Variants in FHIT observed in about 807,000 individuals in gnomAD.
FHIT encodes bis(5'-adenosyl)-triphosphatase.
FHIT carries 19 observed loss-of-function variants against 17.9 expected under a neutral mutation model. That is an observed-to-expected ratio of 1.06 (90% CI 0.74 to 1.56). FHIT has a LOEUF of 1.56. Among genes scored for constraint, FHIT ranks in the 40% most tolerant of loss-of-function variants. The pLI, the probability that FHIT is intolerant of heterozygous loss-of-function variation, is 0.00. For synonymous variants in FHIT, 81 were observed against 69.7 expected, an observed-to-expected ratio of 1.16 and a Z score of -0.81; for missense variants, 248 against 189.2, an observed-to-expected ratio of 1.31 and a Z score of -1.82.
At chr3:60,982,408 T>C (rs1710534666) in intron 3 of FHIT, among the ~76,000 whole-genome samples, 1 of 152,252 alleles carries the variant, frequency 6.6e-6, no homozygotes. Context: ...AAGTTACATA[T>C]CTCACTGGAT....
chr3:60,043,104 C>T (rs760169604), intron 5 of FHIT, among the ~76,000 whole-genome samples: 1 of 152,180 alleles, frequency 6.6e-6, no homozygotes, highest in Non-Finnish European at 1.5e-5. Context: ...CTGTGAAGGA[C>T]TTTGGGCTTC....
chr3:60,941,994 G>C (rs1708429007), intron 3 of FHIT, among the ~76,000 whole-genome samples: 1 of 152,074 alleles, frequency 6.6e-6, no homozygotes, highest in Admixed American at 6.6e-5. Context: ...TTCTGTTGTT[G>C]TTGTTGTTTT....
At chr3:61,231,495 A>AC (rs2040101185) in intron 1 of FHIT, among the ~76,000 whole-genome samples, 1 of 93,656 alleles carries the variant, frequency 1.1e-5, no homozygotes, top group Non-Finnish European at 2.4e-5. Flanking sequence ...TCTCTTACGG[A>AC]AAAAAAAAAA....
chr3:60,461,250 T>C (rs959118152), intron 5 of FHIT, among the ~76,000 whole-genome samples: 2 of 152,096 alleles, frequency 1.3e-5, no homozygotes, highest in African/African-American at 4.8e-5. Flanking sequence ...ATTAGAAAAA[T>C]TACCAAAAAA....
intron 4 of FHIT, among the ~76,000 whole-genome samples, chr3:60,642,878 C>T (rs1230904329): frequency 1.3e-5 from 2 of 152,130 alleles, no homozygotes; most frequent in East Asian, 1.9e-4. Context: ...CCTATCTTAG[C>T]TCAATTGTCA....
intron 4 of FHIT, among the ~76,000 whole-genome samples, chr3:60,596,439 C>A (rs1432775501): frequency 6.6e-6 from 1 of 152,154 alleles, no homozygotes; most frequent in Non-Finnish European, 1.5e-5. Context: ...TCCTGCCCAT[C>A]CCTCTTTTAT....
chr3:59,888,412 A>T (rs538318957), intron 8 of FHIT, among the ~76,000 whole-genome samples: 1 of 152,330 alleles, frequency 6.6e-6, no homozygotes, highest in Admixed American at 6.5e-5. Context: ...TTATCTGACA[A>T]CAGCTAAAAG....
At chr3:60,186,491 G>A (rs959548044) in intron 5 of FHIT, among the ~76,000 whole-genome samples, 3 of 152,132 alleles carry the variant, frequency 2.0e-5, no homozygotes, top group Non-Finnish European at 2.9e-5. Flanking sequence ...AAGAAAACAG[G>A]AAGGTTTAAC....
intron 7 of FHIT, among the ~76,000 whole-genome samples, chr3:59,992,771 C>G (rs1037329943): frequency 1.3e-5 from 2 of 151,982 alleles, no homozygotes; most frequent in Non-Finnish European, 1.5e-5. Flanking sequence ...TGACATGCAG[C>G]TTAGTCACAG....
chr3:60,181,030 C>G (rs980419818), intron 5 of FHIT, among the ~76,000 whole-genome samples: 2 of 152,080 alleles, frequency 1.3e-5, no homozygotes, highest in African/African-American at 4.8e-5. Flanking sequence ...ATGAGTTAAA[C>G]TGCCACATTG....
chr3:60,204,159 T>G (rs530580616), intron 5 of FHIT, among the ~76,000 whole-genome samples: 2 of 152,304 alleles, frequency 1.3e-5, no homozygotes, highest in Non-Finnish European at 2.9e-5. Context: ...TATTACTCAT[T>G]GCATGCCTGT....
chr3:60,169,262 G>A (rs77811107), intron 5 of FHIT, among the ~76,000 whole-genome samples: 5,212 of 152,188 alleles, frequency 0.034, 281 homozygotes, highest in African/African-American at 0.12. Flanking sequence ...TGAAACAAAA[G>A]GAATATCTGA....
intron 5 of FHIT, among the ~76,000 whole-genome samples, chr3:60,404,754 G>C (rs1247383996): frequency 6.6e-6 from 1 of 152,062 alleles, no homozygotes; most frequent in South Asian, 2.1e-4. Context: ...TAAAGTCAGG[G>C]ACCAGGCTTT....
At chr3:60,861,563 C>T (rs1289794971) in intron 3 of FHIT, among the ~76,000 whole-genome samples, 1 of 151,910 alleles carries the variant, frequency 6.6e-6, no homozygotes, top group East Asian at 1.9e-4. Context: ...GCAGCCCACA[C>T]TGGCCAAAAC....
intron 4 of FHIT, among the ~76,000 whole-genome samples, chr3:60,631,025 G>A (rs559448880): frequency 5.2e-4 from 79 of 151,018 alleles, no homozygotes; most frequent in Non-Finnish European, 2.5e-4. Context: ...TGAGACACCT[G>A]GCCAAGTACA....
chr3:61,212,564 T>C (rs914354269), intron 1 of FHIT, among the ~76,000 whole-genome samples: 149 of 152,208 alleles, frequency 9.8e-4, no homozygotes, highest in Non-Finnish European at 2.0e-3. Context: ...TGGAACCAAG[T>C]TGGAAAACAC....
At chr3:60,229,478 A>T (rs1157478513) in intron 5 of FHIT, among the ~76,000 whole-genome samples, 1 of 152,052 alleles carries the variant, frequency 6.6e-6, no homozygotes, top group Non-Finnish European at 1.5e-5. Context: ...AAAGCAAGCC[A>T]TTACCCAAGA....
At chr3:59,897,078 A>G (rs1335403027) in intron 8 of FHIT, among the ~76,000 whole-genome samples, 16 of 152,110 alleles carry the variant, frequency 1.1e-4, no homozygotes, top group Non-Finnish European at 2.4e-4. Flanking sequence ...TTATCACTCC[A>G]ACAACATCCC....
intron 1 of FHIT, among the ~76,000 whole-genome samples, chr3:61,229,043 A>C (rs1484878302): frequency 6.6e-6 from 1 of 152,216 alleles, no homozygotes; most frequent in East Asian, 1.9e-4. Flanking sequence ...GAATCAGAGC[A>C]CTAGAGTAAA....
Sources: gnomAD v4.1 joint callset for allele counts (sites outside exome capture counted in the v4.1 genomes callset) on GRCh38, gnomAD v4.1.1 for gene constraint, MANE v1.5 for transcripts, NCBI Gene and HGNC (gene_info 2026-07-23, HGNC 2026-07-21) for gene names.